Variants in ABCB4 observed in about 807,000 individuals in gnomAD.
ABCB4 encodes ATP binding cassette subfamily B member 4.
ABCB4 carries 76 observed loss-of-function variants against 145.7 expected under a neutral mutation model. That is an observed-to-expected ratio of 0.52 (90% CI 0.43 to 0.63). The LOEUF is 0.63. Ranked by LOEUF, ABCB4 falls within the 30% of genes least tolerant of loss-of-function variation. The pLI is 0.00. For missense variants in ABCB4, 1,234 were observed against 1,553.1 expected (o/e 0.79, Z 3.45); for synonymous variants, 517 against 566.8 (o/e 0.91, Z 1.25).
chr7:87,476,006 A>T (rs961663116), upstream of ABCB4: 1 of 152,480 alleles, frequency 6.6e-6, no homozygotes, highest in Non-Finnish European at 1.5e-5. Flanking sequence ...GGGCCACCCA[A>T]GCCCCTGCAG....
intron 2 of ABCB4, among the ~76,000 whole-genome samples, chr7:87,474,555 G>A (rs1251619517): frequency 6.6e-6 from 1 of 152,148 alleles, no homozygotes; most frequent in Admixed American, 6.5e-5. Context: ...TTGTCCCTCT[G>A]GGTGATCACT....
chr7:87,404,204 T>C (rs1188722670), intron 26 of ABCB4, among the ~76,000 whole-genome samples: 8 of 152,206 alleles, frequency 5.3e-5, no homozygotes, highest in Admixed American at 5.2e-4. Flanking sequence ...GAGTGATTTC[T>C]AACTATAGCA....
rs1229559758 is a variant in ABCB4 at position 87,449,992 on chromosome 7, C to T, written c.809G>A (p.Gly270Glu). Residue 270 changes from glycine to glutamate, a missense_variant, in exon 8 of 28, where the codon GGG becomes GAG. Coordinates refer to ENST00000649586, the MANE Select transcript of ABCB4 (RefSeq NM_000443.4). ...LGAIRTVIAF[G>E]GQNKELERYQ... is the part of the protein sequence containing the mutation. ...CCTTTCCAGCTCTTTGTTCTGGCCC[C>T]CGAAAGCTATCACAGTCCTGATGGC... is the stretch of plus-strand genomic sequence containing the variant. The T allele has an allele frequency of 5.6e-6, 9 of 1,614,060 alleles. No individual in the cohort carries two copies. Among genetic ancestry groups the T allele is most frequent in the African/African-American group, 1.3e-5 (1 of 74,930 alleles).
At chr7:87,381,815 A>T in the ABCB4 span, 774 of 772,834 alleles carry the variant, frequency 1.0e-3, 8 homozygotes, top group African/African-American at 0.012. Flanking sequence ...ATGCTTTATT[A>T]TCTGTTAAGA....
chr7:87,392,715 G>C, the ABCB4 span: 3 of 1,612,168 alleles, frequency 1.9e-6, no homozygotes, highest in Non-Finnish European at 2.5e-6. Flanking sequence ...CCTGAGATTT[G>C]GGGTTTCATT....
intron 22 of ABCB4, among the ~76,000 whole-genome samples, 199 bp from the exon 23 acceptor site, chr7:87,412,232 AC>A (rs1391898238): frequency 2.6e-5 from 4 of 152,192 alleles, no homozygotes; most frequent in Non-Finnish European, 2.9e-5. Context: ...TTTGACAAAA[AC>A]CATATAAATG....
chr7:87,382,362 G>T, the ABCB4 span: 3 of 1,584,426 alleles, frequency 1.9e-6, no homozygotes, highest in Admixed American at 5.3e-5. Context: ...TCTCTTTGGT[G>T]TATTCTCCTT....
intron 3 of ABCB4, 59 bp downstream of exon 3, chr7:87,472,562 C>T: frequency 7.1e-7 from 1 of 1,412,782 alleles, no homozygotes; most frequent in Non-Finnish European, 1.0e-6. Flanking sequence ...GTAATTGATT[C>T]AATACCTCAA....
At position 87,426,784 on chromosome 7, in the gene ABCB4, C is replaced by T; in HGVS notation, c.2030G>A (p.Cys677Tyr). The change falls in exon 16 of 28, where the codon TGT (cysteine) becomes TAT (tyrosine). Residue 677 changes from cysteine (C) to tyrosine (Y), a missense_variant. Cys to Tyr is a radical substitution (Grantham distance 194, BLOSUM62 -2). Coordinates refer to ENST00000649586, the MANE Select transcript of ABCB4 (RefSeq NM_000443.4). ...GGTTTCCACATCAAGGCTCTTCTGA[C>T]ACATTTGTGAATTTTTAAGGTTTTT... ...TQKNLKNSQM[C>Y]QKSLDVETDG... The T allele has an allele frequency of 1.2e-6, 2 of 1,614,004 alleles. No individual in the cohort carries two copies. Among genetic ancestry groups the T allele is most frequent in the Non-Finnish European group, 1.7e-6 (2 of 1,179,942 alleles).
chr7:87,458,635 A>G (rs531276263), intron 4 of ABCB4, among the ~76,000 whole-genome samples: 21 of 152,210 alleles, frequency 1.4e-4, no homozygotes, highest in Non-Finnish European at 3.1e-4. Flanking sequence ...TAGAGTGAGT[A>G]TCCTTTAAAG....
At chr7:87,473,456 G>C (rs45605336) in intron 2 of ABCB4, among the ~76,000 whole-genome samples, 2 of 151,930 alleles carry the variant, frequency 1.3e-5, no homozygotes, top group African/African-American at 2.4e-5. Flanking sequence ...TACCTTTTCC[G>C]GGAATGCTCT....
At chr7:87,422,022 T>C (rs2116511729) in intron 18 of ABCB4, 99 bp downstream of exon 18, 1 of 905,300 alleles carries the variant, frequency 1.1e-6, no homozygotes, top group Non-Finnish European at 1.8e-6. Context: ...ATGTTTGCAA[T>C]TTATTTCACT....
At chr7:87,392,532 G>T in the ABCB4 span, 1 of 1,560,200 alleles carries the variant, frequency 6.4e-7, no homozygotes, top group Admixed American at 1.7e-5. Flanking sequence ...TTTGCACAGT[G>T]TGTTATTGAA....
In ABCB4 at chr7:87,418,530, T is replaced by A. The variant is rs778002144; in HGVS notation, c.2478+7A>T. 4 of 1,613,626 alleles carry A rather than the reference T, an allele frequency of 2.5e-6. No individual in the cohort carries two copies. The highest frequency in any genetic ancestry group is 3.4e-6 in the Non-Finnish European group (4 of 1,179,632). Reference sequence around the variant, plus strand: ...AAAAAACTACAAGTAGAGTGCAGTCTACCTACTCCTTGGACTTGGGCAGCA... The same window carrying A: ...AAAAAACTACAAGTAGAGTGCAGTCAACCTACTCCTTGGACTTGGGCAGCA... On this transcript the variant is annotated splice_region_variant and intron_variant, in intron 20 of 27. Coordinates refer to ENST00000649586, the MANE Select transcript of ABCB4 (RefSeq NM_000443.4).
At chr7:87,445,408 T>A (rs1337998399) in intron 9 of ABCB4, among the ~76,000 whole-genome samples, 2 of 152,200 alleles carry the variant, frequency 1.3e-5, no homozygotes, top group African/African-American at 4.8e-5. Context: ...TAAAGATTTT[T>A]AACATAAAAA....
At chr7:87,415,991 T>C (rs1309131555) in intron 21 of ABCB4, among the ~76,000 whole-genome samples, 5 of 152,040 alleles carry the variant, frequency 3.3e-5, no homozygotes, top group Non-Finnish European at 7.4e-5. Flanking sequence ...CACTCAGAAG[T>C]CAAGGAAATG....
chr7:87,384,259 G>A, the ABCB4 span, among the ~76,000 whole-genome samples: 1 of 151,940 alleles, frequency 6.6e-6, no homozygotes, highest in Non-Finnish European at 1.5e-5. Flanking sequence ...GTCACTGGGC[G>A]CATGGCTCAC....
chr7:87,457,231 C>T (rs1812154640), intron 4 of ABCB4, among the ~76,000 whole-genome samples: 1 of 152,038 alleles, frequency 6.6e-6, no homozygotes, highest in Non-Finnish European at 1.5e-5. Flanking sequence ...CCAGCCTGGG[C>T]AACGTGGTGA....
chr7:87,428,578 A>G (rs575913001), intron 15 of ABCB4, among the ~76,000 whole-genome samples: 1 of 152,346 alleles, frequency 6.6e-6, no homozygotes, highest in East Asian at 1.9e-4. Context: ...TGAAAGGAAC[A>G]AAGCAGGAAA....
Sources: gnomAD v4.1 joint callset for allele counts (sites outside exome capture counted in the v4.1 genomes callset) on GRCh38, gnomAD v4.1.1 for gene constraint, MANE v1.5 for transcripts, NCBI Gene and HGNC (gene_info 2026-07-23, HGNC 2026-07-21) for gene names.